The following RNLS variants were observed in gnomAD, a reference collection of about 807,000 sequenced individuals.
RNLS encodes renalase.
In RNLS, 39 loss-of-function variants were observed where a neutral mutation model predicts 39.8. That is an observed-to-expected ratio of 0.98 (90% CI 0.76 to 1.28). The LOEUF (loss-of-function observed/expected upper bound fraction) is 1.28. RNLS is among the 50% of genes most tolerant of loss of function. The pLI, the probability that RNLS is intolerant of heterozygous loss-of-function variation, is 0.00. For missense variants in RNLS, 410 were observed against 413.3 expected, an observed-to-expected ratio of 0.99 and a Z score of 0.07; for synonymous variants, 147 against 150.7, an observed-to-expected ratio of 0.98 and a Z score of 0.18.
At chr10:88,177,275 T>C in the RNLS span, among the ~76,000 whole-genome samples, 2 of 152,208 alleles carry the variant, frequency 1.3e-5, no homozygotes, top group Non-Finnish European at 2.9e-5. Context: ...TCTTTCGTAT[T>C]GTCTGCTTCT....
At chr10:88,393,178 G>T (rs566436620) in intron 4 of RNLS, among the ~76,000 whole-genome samples, 61 of 152,134 alleles carry the variant, frequency 4.0e-4, no homozygotes, top group Non-Finnish European at 7.6e-4. Context: ...CATAGTGTTG[G>T]AAGTTCTGGC....
At chr10:88,373,621 A>G (rs2133447889) in intron 4 of RNLS, among the ~76,000 whole-genome samples, 1 of 152,196 alleles carries the variant, frequency 6.6e-6, no homozygotes, top group African/African-American at 2.4e-5. Context: ...TTTTATCTTC[A>G]TATCAGCCTA....
At chr10:88,246,715 C>T in the RNLS span, among the ~76,000 whole-genome samples, 1 of 152,118 alleles carries the variant, frequency 6.6e-6, no homozygotes, top group African/African-American at 2.4e-5. Flanking sequence ...GACAGACCTT[C>T]TAAAATAGCC....
chr10:88,402,738 T>G (rs1044389839), intron 4 of RNLS, among the ~76,000 whole-genome samples: 3 of 151,996 alleles, frequency 2.0e-5, no homozygotes, highest in Non-Finnish European at 4.4e-5. Context: ...TTATAGAATG[T>G]TCCTGAGTTC....
chr10:88,320,175 G>T (rs1358070059), intron 5 of RNLS, among the ~76,000 whole-genome samples: 2 of 149,100 alleles, frequency 1.3e-5, no homozygotes, highest in Non-Finnish European at 3.0e-5. Flanking sequence ...AGTCAGCCAA[G>T]AATTTTATAC....
chr10:88,529,581 T>G (rs997938897), intron 4 of RNLS, among the ~76,000 whole-genome samples: 2 of 152,214 alleles, frequency 1.3e-5, no homozygotes, highest in Non-Finnish European at 2.9e-5. Flanking sequence ...TAGTGTATTT[T>G]ACTGAGTAAG....
At chr10:88,497,772 G>A (rs927061353) in intron 4 of RNLS, among the ~76,000 whole-genome samples, 4 of 152,070 alleles carry the variant, frequency 2.6e-5, no homozygotes, top group African/African-American at 9.7e-5. Context: ...AAAGTTCTGG[G>A]AGAAAAGAAG....
chr10:88,474,370 G>A lies in RNLS; in HGVS notation c.526+98533C>T, dbSNP rs149001843. Reference sequence around the variant, plus strand: ...TTGAGGCAGGAGAATTCTTTGTTGCGTGAGGTATTTCTCAGCATTGCATGG... The same window carrying A: ...TTGAGGCAGGAGAATTCTTTGTTGCATGAGGTATTTCTCAGCATTGCATGG... On this transcript the variant is annotated intron_variant, in intron 4 of 6. Transcript: ENST00000331772. Among the ~76,000 whole-genome samples the A allele has an allele frequency of 5.9e-5, 9 of 152,250 alleles. No individual in the cohort carries two copies. In the East Asian group the frequency reaches 7.7e-4, roughly 13 times the overall value.
rs546859353 is a variant in RNLS at position 88,300,594 on chromosome 10, A to G, written c.876+13872T>C. ...CTCCCAAAGTCTGCTCTGTGCTCAC[A>G]TAGTATATTGTACATAGTTTTTGTA... On this transcript the variant is annotated intron_variant, in intron 6 of 6. Coordinates refer to ENST00000331772, the MANE Select transcript of RNLS (RefSeq NM_001031709.3). Among the ~76,000 whole-genome samples the G allele has an allele frequency of 1.1e-4, 17 of 152,314 alleles. No individual in the cohort carries two copies. In the South Asian group the frequency reaches 3.1e-3, roughly 28 times the overall value.
In RNLS at chr10:88,573,064, G is replaced by T. The variant is rs1482556946; in HGVS notation, c.368-3C>A. On this transcript the variant is annotated splice_region_variant and splice_polypyrimidine_tract_variant and intron_variant, in intron 3 of 6. Coordinates refer to ENST00000331772, the MANE Select transcript of RNLS (RefSeq NM_001031709.3). ...ATGTCTGAAGTAGACTTCTGCACCT[G>T]TTCCAAAAGCAAAATCATGTCCCCA... is the stretch of plus-strand genomic sequence containing the variant. 6.2e-7 allele frequency: 1 copy of T among 1,612,056 alleles called. No individual in the cohort carries two copies. The highest frequency in any genetic ancestry group is 1.3e-5 in the African/African-American group (1 of 74,884).
intron 4 of RNLS, among the ~76,000 whole-genome samples, chr10:88,542,091 C>A (rs902435017): frequency 3.9e-5 from 6 of 152,110 alleles, no homozygotes; most frequent in African/African-American, 1.4e-4. Flanking sequence ...AATTATATCT[C>A]TTGTTTTAAG....
chr10:88,248,838 G>A, the RNLS span, among the ~76,000 whole-genome samples: 2 of 152,232 alleles, frequency 1.3e-5, no homozygotes, highest in African/African-American at 4.8e-5. Flanking sequence ...TGTCCGTACA[G>A]TGGGGATAAG....
chr10:88,406,540 C>T lies in RNLS; in HGVS notation c.527-43815G>A, dbSNP rs545592533. Among the ~76,000 whole-genome samples, 594 of 152,132 alleles carry T rather than the reference C, an allele frequency of 3.9e-3. 1 individual carries two copies. Among genetic ancestry groups the T allele is most frequent in the Non-Finnish European group, 6.6e-3 (449 of 67,960 alleles). ...TGCTGAGACTTTCCAGAGCATTTCA[C>T]ATTTCCAAAAATGTGACCAAAGTTT... On this transcript the variant is annotated intron_variant, in intron 4 of 6. Coordinates refer to ENST00000331772, the MANE Select transcript of RNLS (RefSeq NM_001031709.3).
chr10:88,478,478 A>C (rs1843949722), intron 4 of RNLS, among the ~76,000 whole-genome samples: 1 of 152,080 alleles, frequency 6.6e-6, no homozygotes, highest in South Asian at 2.1e-4. Flanking sequence ...TATCATCTCA[A>C]GTTCAAATAC....
At chr10:88,205,626 A>G in the RNLS span, among the ~76,000 whole-genome samples, 10 of 152,188 alleles carry the variant, frequency 6.6e-5, no homozygotes, top group Admixed American at 6.6e-4. Flanking sequence ...GACTGCTGGT[A>G]CAAAATCAAA....
At chr10:88,435,933 T>G (rs1445505071) in intron 4 of RNLS, among the ~76,000 whole-genome samples, 3 of 152,098 alleles carry the variant, frequency 2.0e-5, no homozygotes, top group Non-Finnish European at 4.4e-5. Context: ...ATATTATCAG[T>G]AAAATGAAAG....
intron 4 of RNLS, among the ~76,000 whole-genome samples, chr10:88,523,615 C>G (rs1846893648): frequency 6.6e-6 from 1 of 152,102 alleles, no homozygotes; most frequent in South Asian, 2.1e-4. Flanking sequence ...AGATGATTCT[C>G]TCCCATCTCT....
chr10:88,340,037 G>C (rs139978444), intron 5 of RNLS, among the ~76,000 whole-genome samples: 1 of 152,334 alleles, frequency 6.6e-6, no homozygotes, highest in East Asian at 1.9e-4. Flanking sequence ...CTTAGGACTT[G>C]AGACTTCTTT....
chr10:88,244,613 C>T, the RNLS span, among the ~76,000 whole-genome samples: 2 of 151,964 alleles, frequency 1.3e-5, no homozygotes, highest in South Asian at 2.1e-4. Context: ...TATGTATAAA[C>T]CCTGCTGTAT....
Sources: allele counts gnomAD v4.1 joint callset (sites outside exome capture counted in the v4.1 genomes callset), GRCh38; gene constraint gnomAD v4.1.1; transcripts MANE v1.5; gene names NCBI Gene and HGNC (gene_info 2026-07-23, HGNC 2026-07-21).